TMED5: variants seen among roughly 807,000 people sequenced by gnomAD.
TMED5 encodes the protein transmembrane p24 trafficking protein 5.
In TMED5, 27 loss-of-function variants were observed where a neutral mutation model predicts 23.0. The ratio of observed to expected loss-of-function variants is 1.17; its 90% CI spans 0.86 to 1.62. TMED5 has a LOEUF of 1.62. Among genes scored for constraint, TMED5 ranks in the 40% most tolerant of loss-of-function variants. TMED5 has a pLI of 0.00. For missense variants in TMED5, 248 were observed against 273.7 expected (o/e 0.91, Z 0.66); for synonymous variants, 97 against 100.8 (o/e 0.96, Z 0.23).
chr1:93,180,221 G>A lies in TMED5; in HGVS notation c.22C>T (p.Pro8Ser), dbSNP rs1649288193. The change falls in exon 1 of 4, where the codon CCC becomes TCC. Residue 8 changes from proline (P) to serine (S), a missense_variant. Transcript: ENST00000370282. ...GCGGCCAGAAGGAGCACGGGGAAGGGCAGCCAGATCTTGTCGCCCATCCCT... is the reference window on the plus strand; with the variant it reads ...GCGGCCAGAAGGAGCACGGGGAAGGACAGCCAGATCTTGTCGCCCATCCCT... MGDKIWLPFPVLLLAALP... is the reference protein window; with the variant it reads MGDKIWLSFPVLLLAALP... 2 of 1,612,032 alleles carry A rather than the reference G, an allele frequency of 1.2e-6. No individual in the cohort carries two copies. Among genetic ancestry groups the A allele is most frequent in the Non-Finnish European group, 1.7e-6 (2 of 1,179,446 alleles).
chr1:93,168,363 A>C (rs1485413738), intron 1 of TMED5, among the ~76,000 whole-genome samples: 1 of 152,274 alleles, frequency 6.6e-6, no homozygotes, highest in African/African-American at 2.4e-5. Context: ...ATGACAATAC[A>C]AGATTAACCA....
At chr1:93,165,654 T>C (rs151183240) in intron 1 of TMED5, among the ~76,000 whole-genome samples, 2,725 of 152,366 alleles carry the variant, frequency 0.018, 39 homozygotes, top group Middle Eastern at 0.027. Context: ...AACCACATAG[T>C]GTAAAATTGG....
chr1:93,177,716 T>C (rs1667700478), intron 1 of TMED5, among the ~76,000 whole-genome samples: 1 of 152,136 alleles, frequency 6.6e-6, no homozygotes. Flanking sequence ...TCATTGATTA[T>C]TTACTATGTG....
chr1:93,172,119 G>A (rs373220586), intron 1 of TMED5, among the ~76,000 whole-genome samples: 2 of 152,088 alleles, frequency 1.3e-5, no homozygotes, highest in Non-Finnish European at 2.9e-5. Flanking sequence ...ACTTAATGGC[G>A]AGAAACTAGA....
intron 1 of TMED5, among the ~76,000 whole-genome samples, chr1:93,170,363 G>A (rs771722948): frequency 8.5e-5 from 13 of 152,190 alleles, no homozygotes; most frequent in Admixed American, 2.0e-4. Flanking sequence ...CACTGGGAGC[G>A]GCCGGCCGGC....
At chr1:93,165,373 T>G (rs976468109) in intron 1 of TMED5, among the ~76,000 whole-genome samples, 2 of 152,202 alleles carry the variant, frequency 1.3e-5, no homozygotes, top group African/African-American at 4.8e-5. Flanking sequence ...TAGATCATTG[T>G]TCAAAGTAAT....
At chr1:93,168,889 C>T (rs192178676) in intron 1 of TMED5, among the ~76,000 whole-genome samples, 3 of 152,206 alleles carry the variant, frequency 2.0e-5, no homozygotes, top group Non-Finnish European at 4.4e-5. Context: ...GTCAACTTTC[C>T]AGGAAGACAT....
At chr1:93,169,769 C>G (rs1474144320) in intron 1 of TMED5, among the ~76,000 whole-genome samples, 2 of 152,064 alleles carry the variant, frequency 1.3e-5, no homozygotes, top group East Asian at 3.9e-4. Flanking sequence ...TAATAATGGC[C>G]AGGCGTGGTG....
At position 93,153,531 on chromosome 1, in the gene TMED5, A is replaced by AAATT. The variant is rs1233483249; in HGVS notation, c.*1135_*1138dup. 6.6e-6 allele frequency: 1 copy of AAATT among 152,158 alleles called. No individual in the cohort carries two copies. The highest frequency in any genetic ancestry group is 2.1e-4 in the South Asian group (1 of 4,838). The allele number at this position is 152,158 out of a possible 1,614,324, so 9.4% of individuals were successfully genotyped here. The stretch of plus-strand genomic sequence containing the variant: ...GCCAAAGTTTCTTCCAGCTAACTGG[A>AAATT]AATTAATCATCTCCTTTGATTTATG... On this transcript the variant is annotated 3_prime_UTR_variant, in exon 4 of 4. Transcript: ENST00000370282.
chr1:93,169,636 AG>A (rs1648633723), intron 1 of TMED5, among the ~76,000 whole-genome samples: 1 of 152,052 alleles, frequency 6.6e-6, no homozygotes. Flanking sequence ...TTTTTTAAAA[AG>A]ATCAATAAAA....
chr1:93,164,091 G>C (rs1293611902), intron 1 of TMED5, among the ~76,000 whole-genome samples: 1 of 151,860 alleles, frequency 6.6e-6, no homozygotes, highest in African/African-American at 2.4e-5. Flanking sequence ...AGGAAACATA[G>C]ACATTAATTT....
intron 1 of TMED5, among the ~76,000 whole-genome samples, chr1:93,174,146 T>C (rs1557578782): frequency 6.6e-6 from 1 of 151,728 alleles, no homozygotes; most frequent in Non-Finnish European, 1.5e-5. Flanking sequence ...TGTTTTTTCT[T>C]TTTTTTTAAG....
rs552686738 is a variant in TMED5, at chr1:93,172,063, T to G, written c.189+7991A>C. On this transcript the variant is annotated intron_variant, in intron 1 of 3. Coordinates refer to ENST00000370282, the MANE Select transcript of TMED5 (RefSeq NM_016040.5). ...TAGCAAACTAGGAATAGAGGGGAAC[T>G]TCCTCAACTTAAGAACATTTACAAA... 3.3e-5 allele frequency among the ~76,000 whole-genome samples: 5 copies of G among 152,204 alleles called. No homozygotes were observed. The South Asian group carries it at 1.0e-3, about 32-fold the overall frequency.
At chr1:93,164,747 A>G (rs1475820264) in intron 1 of TMED5, among the ~76,000 whole-genome samples, 1 of 152,208 alleles carries the variant, frequency 6.6e-6, no homozygotes, top group Non-Finnish European at 1.5e-5. Flanking sequence ...CACATAGGAT[A>G]TAGCCCCATT....
intron 1 of TMED5, among the ~76,000 whole-genome samples, chr1:93,164,368 C>T (rs1169054305): frequency 6.6e-6 from 1 of 152,032 alleles, no homozygotes; most frequent in South Asian, 2.1e-4. Flanking sequence ...GGTCATGAAG[C>T]TTTGGGGCTG....
At chr1:93,177,421 T>C (rs2101174238) in intron 1 of TMED5, among the ~76,000 whole-genome samples, 1 of 151,598 alleles carries the variant, frequency 6.6e-6, no homozygotes, top group South Asian at 2.1e-4. Flanking sequence ...CTACTAAAAA[T>C]ACAAAAATTA....
chr1:93,174,469 C>A (rs1307015579), intron 1 of TMED5, among the ~76,000 whole-genome samples: 1 of 152,102 alleles, frequency 6.6e-6, no homozygotes, highest in African/African-American at 2.4e-5. Context: ...CATAGTGAGA[C>A]CCCATATCTC....
chr1:93,164,133 A>G (rs917756533), intron 1 of TMED5, among the ~76,000 whole-genome samples: 3 of 152,212 alleles, frequency 2.0e-5, no homozygotes, highest in African/African-American at 7.2e-5. Context: ...TAAACATTAA[A>G]TAGAGGGACA....
intron 1 of TMED5, among the ~76,000 whole-genome samples, chr1:93,177,066 C>A (rs1648938386): frequency 6.6e-6 from 1 of 151,956 alleles, no homozygotes; most frequent in African/African-American, 2.4e-5. Flanking sequence ...AATAAGTAAC[C>A]AAGGACAAAA....
Sources: gnomAD v4.1 joint callset for allele counts (sites outside exome capture counted in the v4.1 genomes callset) on GRCh38, gnomAD v4.1.1 for gene constraint, MANE v1.5 for transcripts, NCBI Gene and HGNC (gene_info 2026-07-23, HGNC 2026-07-21) for gene names.